COL19A1: variants seen among roughly 807,000 people sequenced by gnomAD.
The protein encoded by COL19A1 is collagen alpha-1(XIX) chain.
A neutral mutation model predicts 190.2 loss-of-function variants in COL19A1; 159 were observed. The observed-to-expected ratio is 0.84, with a 90% CI of 0.73 to 0.95. The LOEUF is 0.95. COL19A1 is among the 40% of genes least tolerant of loss of function. The pLI, the probability that COL19A1 is intolerant of heterozygous loss-of-function variation, is 0.00. For missense variants in COL19A1, 1,418 were observed against 1,431.9 expected (o/e 0.99, Z 0.16); for synonymous variants, 509 against 458.9 (o/e 1.11, Z -1.39).
At chr6:70,055,538 T>C (rs1780446067) in intron 14 of COL19A1, among the ~76,000 whole-genome samples, 1 of 152,042 alleles carries the variant, frequency 6.6e-6, no homozygotes, top group Non-Finnish European at 1.5e-5. Context: ...TCCCAGCACC[T>C]TGGGGGGCTG....
At chr6:69,891,328 G>T (rs1033129879) in intron 2 of COL19A1, 2 of 152,800 alleles carry the variant, frequency 1.3e-5, no homozygotes, top group Non-Finnish European at 2.9e-5. Context: ...TAGTTTGAAG[G>T]ATGCATCTGA....
chr6:69,873,217 A>T (rs531450830), intron 1 of COL19A1, among the ~76,000 whole-genome samples: 1 of 151,790 alleles, frequency 6.6e-6, no homozygotes, highest in Non-Finnish European at 1.5e-5. Flanking sequence ...GAGCTTCTAG[A>T]CCAGTCTCTG....
At chr6:70,100,582 G>C (rs1783569754) in intron 15 of COL19A1, among the ~76,000 whole-genome samples, 1 of 142,226 alleles carries the variant, frequency 7.0e-6, no homozygotes, top group East Asian at 2.1e-4. Flanking sequence ...CCAGGCTGGA[G>C]TGCAATTCTC....
chr6:69,971,167 A>T (rs1471295073), intron 11 of COL19A1, among the ~76,000 whole-genome samples: 1 of 152,214 alleles, frequency 6.6e-6, no homozygotes, highest in Non-Finnish European at 1.5e-5. Context: ...TAAGAGGAGA[A>T]TAACTATAAA....
chr6:70,099,183 C>A (rs918502290), intron 15 of COL19A1, among the ~76,000 whole-genome samples: 1 of 151,970 alleles, frequency 6.6e-6, no homozygotes, highest in Non-Finnish European at 1.5e-5. Flanking sequence ...CTCCTCTATC[C>A]TCCACAAGTC....
intron 11 of COL19A1, among the ~76,000 whole-genome samples, chr6:70,016,439 T>C (rs1368953313): frequency 7.1e-6 from 1 of 140,946 alleles, no homozygotes; most frequent in Non-Finnish European, 1.5e-5. Context: ...ATGTTTGTTA[T>C]TTTAATTGTT....
At chr6:70,087,792 A>C (rs952780560) in intron 15 of COL19A1, among the ~76,000 whole-genome samples, 2 of 152,138 alleles carry the variant, frequency 1.3e-5, no homozygotes, top group Non-Finnish European at 2.9e-5. Context: ...ACTGGTGACT[A>C]TATGTTGCCA....
At chr6:69,941,536 T>A (rs749904641) in intron 9 of COL19A1, among the ~76,000 whole-genome samples, 1 of 152,040 alleles carries the variant, frequency 6.6e-6, no homozygotes, top group Non-Finnish European at 1.5e-5. Context: ...TGTTGAGTTA[T>A]CATCACATGC....
At chr6:70,093,035 A>G (rs1305518405) in intron 15 of COL19A1, among the ~76,000 whole-genome samples, 5 of 152,168 alleles carry the variant, frequency 3.3e-5, no homozygotes, top group East Asian at 1.9e-4. Flanking sequence ...GTCCCTCTGC[A>G]TGTCAATTTT....
At chr6:69,991,663 C>T (rs1299693038) in intron 11 of COL19A1, among the ~76,000 whole-genome samples, 1 of 151,854 alleles carries the variant, frequency 6.6e-6, no homozygotes, top group Non-Finnish European at 1.5e-5. Flanking sequence ...TTTTAATATG[C>T]TTGTTGGCCT....
intron 14 of COL19A1, among the ~76,000 whole-genome samples, chr6:70,042,720 T>A (rs1366361128): frequency 6.6e-6 from 1 of 152,230 alleles, no homozygotes; most frequent in Non-Finnish European, 1.5e-5. Context: ...GAAATTGGAG[T>A]CAATCCTCTC....
rs2150312616 is a variant in COL19A1, at chr6:70,206,940, T to C, written c.3263T>C (p.Ile1088Thr). Residue 1088 changes from isoleucine to threonine, a missense_variant, in exon 50 of 51, where the codon ATT becomes ACT. By Grantham distance (89) the Ile-to-Thr change is moderately conservative (BLOSUM62 -1). Coordinates refer to ENST00000620364, the MANE Select transcript of COL19A1 (RefSeq NM_001858.6). Reference sequence around the variant, plus strand: ...AAGGGAGAAAGAGGTGAACCTGGAATTGGGCTGCCAGGGAGTCCAGGTCTT... The same window carrying C: ...AAGGGAGAAAGAGGTGAACCTGGAACTGGGCTGCCAGGGAGTCCAGGTCTT... ...GQKGERGEPG[I>T]GLPGSPGLPG... 5 of 1,613,904 alleles carry C rather than the reference T, an allele frequency of 3.1e-6. No individual in the cohort carries two copies. Among genetic ancestry groups the C allele is most frequent in the Non-Finnish European group, 2.5e-6 (3 of 1,179,898 alleles).
At chr6:69,898,904 C>T (rs1335448731) in intron 2 of COL19A1, 44 bp from the exon 3 acceptor site, 3 of 1,162,982 alleles carry the variant, frequency 2.6e-6, no homozygotes, top group Non-Finnish European at 3.8e-6. Flanking sequence ...AATTAAAATT[C>T]ATACATAATG....
chr6:69,930,799 A>T (rs1582440314), intron 6 of COL19A1, among the ~76,000 whole-genome samples: 1 of 152,170 alleles, frequency 6.6e-6, no homozygotes, highest in Non-Finnish European at 1.5e-5. Flanking sequence ...ACTTTGTCTC[A>T]AAAAACAAAA....
At chr6:70,135,890 G>A (rs1394225422) in intron 18 of COL19A1, among the ~76,000 whole-genome samples, 1 of 152,042 alleles carries the variant, frequency 6.6e-6, no homozygotes, top group Admixed American at 6.5e-5. Context: ...GTCATGTCCC[G>A]GTCTTCTTGG....
chr6:70,108,603 T>G (rs1784107147), intron 16 of COL19A1, among the ~76,000 whole-genome samples: 1 of 152,194 alleles, frequency 6.6e-6, no homozygotes. Context: ...TACCTTGAAA[T>G]TTAAATATAA....
intron 9 of COL19A1, among the ~76,000 whole-genome samples, chr6:69,958,693 TTAATC>T (rs1388705271): frequency 6.6e-6 from 1 of 152,210 alleles, no homozygotes; most frequent in East Asian, 1.9e-4. Context: ...CTTTGATAAT[TTAATC>T]TAATCTAAGA....
chr6:69,921,504 A>ATTCATATATATTCATATG (rs1350613975), intron 4 of COL19A1, among the ~76,000 whole-genome samples: 4 of 108,340 alleles, frequency 3.7e-5, no homozygotes, highest in Non-Finnish European at 5.8e-5. Flanking sequence ...ATATTCATAT[A>ATTCATATATATTCATATG]TATTCATATG....
chr6:70,167,583 G>GA (rs1355762402), intron 37 of COL19A1, among the ~76,000 whole-genome samples: 2 of 151,966 alleles, frequency 1.3e-5, no homozygotes, highest in African/African-American at 4.8e-5. Context: ...AAAGACTGTG[G>GA]AAAAAAATTA....
Sources: allele counts gnomAD v4.1 joint callset (sites outside exome capture counted in the v4.1 genomes callset), GRCh38; gene constraint gnomAD v4.1.1; transcripts MANE v1.5; gene names NCBI Gene and HGNC (gene_info 2026-07-23, HGNC 2026-07-21).